The following PGAP4 variants were observed in gnomAD, a reference collection of about 807,000 sequenced individuals.
The protein encoded by PGAP4 is post-GPI attachment to proteins GalNAc transferase 4.
Under a neutral mutation model 28.2 loss-of-function variants are expected in PGAP4, and 12 were observed. The ratio of observed to expected loss-of-function variants is 0.42; its 90% CI spans 0.27 to 0.69. The LOEUF is 0.69. PGAP4 is among the 30% of genes least tolerant of loss of function. The pLI is 0.22. For missense variants in PGAP4, 425 were observed against 513.5 expected, an observed-to-expected ratio of 0.83 and a Z score of 1.67; for synonymous variants, 205 against 211.8, an observed-to-expected ratio of 0.97 and a Z score of 0.28.
chr9:101,516,853 A>C (rs1826948135), intron 2 of PGAP4, among the ~76,000 whole-genome samples: 1 of 152,186 alleles, frequency 6.6e-6, no homozygotes. Context: ...ACTGGGAGAC[A>C]ATGAGGCAAC....
At chr9:101,500,105 C>T (rs1826784139) in intron 2 of PGAP4, among the ~76,000 whole-genome samples, 5 of 151,962 alleles carry the variant, frequency 3.3e-5, no homozygotes. Context: ...TGTTTTGCCT[C>T]TTTAATCTCC....
chr9:101,480,048 AT>A (rs1826437306), intron 1 of PGAP4: 1 of 151,912 alleles, frequency 6.6e-6, no homozygotes, highest in South Asian at 2.1e-4. Flanking sequence ...TGAAGATTCA[AT>A]AGAAAAAAAA....
chr9:101,508,126 GTTTTTTTT>G (rs199835888), intron 2 of PGAP4, among the ~76,000 whole-genome samples: 3 of 127,742 alleles, frequency 2.3e-5, no homozygotes, highest in Non-Finnish European at 3.3e-5. Context: ...CTTTTTGAGT[GTTTTTTTT>G]TTTTTTTTTT....
rs1230185569 is a variant in PGAP4, at chr9:101,475,135, A to G, written c.*746T>C. On this transcript the variant is annotated 3_prime_UTR_variant, in exon 2 of 2. Coordinates refer to ENST00000374848, the MANE Select transcript of PGAP4 (RefSeq NM_032342.3). ...TCATTCTGAAATGTCCAATTTTCAA[A>G]GAGTCAGAGTAGTACAGAAATGTTC... 1 of 152,212 alleles carries G rather than the reference A, an allele frequency of 6.6e-6. No individual in the cohort carries two copies. The allele number at this position is 152,212 out of a possible 1,614,324, so 9.4% of individuals were successfully genotyped here.
chr9:101,478,799 G>A (rs934285226), intron 1 of PGAP4, among the ~76,000 whole-genome samples: 22 of 152,270 alleles, frequency 1.4e-4, no homozygotes, highest in African/African-American at 4.3e-4. Context: ...TGTCCCTTCC[G>A]CTGCCCACCT....
At chr9:101,509,750 G>C (rs1468432639) in intron 2 of PGAP4, among the ~76,000 whole-genome samples, 1 of 152,016 alleles carries the variant, frequency 6.6e-6, no homozygotes, top group Non-Finnish European at 1.5e-5. Flanking sequence ...ATTTCTCTAT[G>C]GATGACACGG....
chr9:101,526,740 C>A (rs907734339), intron 2 of PGAP4, among the ~76,000 whole-genome samples: 6 of 152,200 alleles, frequency 3.9e-5, no homozygotes, highest in African/African-American at 7.2e-5. Flanking sequence ...TGAGCCACTG[C>A]GCCTGGCCCC....
At chr9:101,492,272 C>T (rs1455023804) in intron 2 of PGAP4, among the ~76,000 whole-genome samples, 1 of 151,914 alleles carries the variant, frequency 6.6e-6, no homozygotes, top group Non-Finnish European at 1.5e-5. Flanking sequence ...CGGCTCACTG[C>T]AACCTCTGCC....
At chr9:101,530,236 A>G (rs1827076193) in intron 2 of PGAP4, among the ~76,000 whole-genome samples, 1 of 152,262 alleles carries the variant, frequency 6.6e-6, no homozygotes, top group Non-Finnish European at 1.5e-5. Flanking sequence ...ACTGATGCGC[A>G]GTACTGTGCA....
rs1010893401 is a variant in PGAP4 at position 101,487,073 on chromosome 9, G to C, written c.-202C>G. 1 of 152,350 alleles carries C rather than the reference G, an allele frequency of 6.6e-6. No homozygotes were observed. The highest frequency in any genetic ancestry group is 1.5e-5 in the Non-Finnish European group (1 of 68,124). The allele number at this position is 152,350 out of a possible 1,614,324, so 9.4% of individuals were successfully genotyped here. A position where few individuals can be genotyped will look rare whatever the true frequency, so the allele number is the denominator to read the frequency against. ...GGCCCGGAAGGAGCGGGCGCAGCGC[G>C]GTTTGGGTGTGCGCCGGAGCCTCAC... On this transcript the variant is annotated 5_prime_UTR_variant, in exon 1 of 2. Transcript: ENST00000374848.
intron 2 of PGAP4, among the ~76,000 whole-genome samples, chr9:101,506,211 C>A (rs1025993226): frequency 2.6e-5 from 4 of 152,020 alleles, no homozygotes; most frequent in African/African-American, 9.7e-5. Context: ...TAAGCCGCTA[C>A]CAGTTATGCA....
chr9:101,532,978 G>A (rs1025297521), exon 1 of PGAP4: 2 of 152,118 alleles, frequency 1.3e-5, no homozygotes, highest in East Asian at 3.8e-4. Context: ...TCATTAGGTA[G>A]TTTATCATAG....
At chr9:101,498,676 T>C (rs1243388425) in intron 2 of PGAP4, among the ~76,000 whole-genome samples, 1 of 151,948 alleles carries the variant, frequency 6.6e-6, no homozygotes, top group Non-Finnish European at 1.5e-5. Flanking sequence ...ATAATGGCCA[T>C]TTATGTAGCC....
chr9:101,484,645 T>A (rs1564094837), intron 1 of PGAP4, among the ~76,000 whole-genome samples: 1 of 152,172 alleles, frequency 6.6e-6, no homozygotes, highest in Non-Finnish European at 1.5e-5. Flanking sequence ...TTCTCTGCTT[T>A]CTCACATGTA....
chr9:101,507,582 C>T (rs1387502694), intron 2 of PGAP4, among the ~76,000 whole-genome samples: 2 of 152,078 alleles, frequency 1.3e-5, no homozygotes, highest in Non-Finnish European at 2.9e-5. Flanking sequence ...GAAGAAAAAA[C>T]ACGAGACAGC....
rs566411469 is a variant in PGAP4 at position 101,525,550 on chromosome 9, T to C, written c.-165+5798A>G. On this transcript the variant is annotated intron_variant, in intron 2 of 3. Transcript: ENST00000374851. ...GGCGAAACCCTGTCTCTACTAAAAA[T>C]ACAAAAATTAGCCAGGTGTGGTGAC... 4.0e-5 allele frequency among the ~76,000 whole-genome samples: 6 copies of C among 151,646 alleles called. No homozygotes were observed. In the East Asian group the frequency reaches 1.2e-3, roughly 29 times the overall value.
At chr9:101,502,278 T>A (rs146157289) in intron 2 of PGAP4, among the ~76,000 whole-genome samples, 23 of 152,216 alleles carry the variant, frequency 1.5e-4, no homozygotes, top group African/African-American at 5.5e-4. Context: ...AGTTTCATGT[T>A]TGAACTTGTT....
At chr9:101,479,600 C>T (rs990919218) in intron 1 of PGAP4, among the ~76,000 whole-genome samples, 3 of 152,198 alleles carry the variant, frequency 2.0e-5, no homozygotes, top group Non-Finnish European at 4.4e-5. Context: ...TTTAAAACTA[C>T]GTCTGTGAGA....
chr9:101,519,511 T>A (rs193070062), intron 2 of PGAP4, among the ~76,000 whole-genome samples: 166 of 152,242 alleles, frequency 1.1e-3, no homozygotes, highest in Non-Finnish European at 2.0e-3. Flanking sequence ...ATTCTGGATA[T>A]CCTTTGTCAG....
Sources: gnomAD v4.1 joint callset for allele counts (sites outside exome capture counted in the v4.1 genomes callset) on GRCh38, gnomAD v4.1.1 for gene constraint, MANE v1.5 for transcripts, NCBI Gene and HGNC (gene_info 2026-07-23, HGNC 2026-07-21) for gene names.